The following FHIT variants were observed in gnomAD, a reference collection of about 807,000 sequenced individuals.
FHIT encodes the protein fragile histidine triad diadenosine triphosphatase, also known as bis(5'-adenosyl)-triphosphatase.
Under a neutral mutation model 17.9 loss-of-function variants are expected in FHIT, and 19 were observed. The ratio of observed to expected loss-of-function variants is 1.06; its 90% CI spans 0.74 to 1.56. The LOEUF (loss-of-function observed/expected upper bound fraction) is 1.56. Ranked by LOEUF, FHIT falls within the 40% of genes most tolerant of loss-of-function variation. The pLI, the probability that FHIT is intolerant of heterozygous loss-of-function variation, is 0.00. For missense variants in FHIT, 248 were observed against 189.2 expected (o/e 1.31, Z -1.82); for synonymous variants, 81 against 69.7 (o/e 1.16, Z -0.81).
At chr3:60,025,818 T>A (rs1461483375) in intron 5 of FHIT, among the ~76,000 whole-genome samples, 5 of 151,392 alleles carry the variant, frequency 3.3e-5, no homozygotes, top group African/African-American at 1.2e-4. Flanking sequence ...AAAGACATTT[T>A]AATGTCACTG....
chr3:60,360,558 G>A (rs1326923475), intron 5 of FHIT, among the ~76,000 whole-genome samples: 1 of 152,102 alleles, frequency 6.6e-6, no homozygotes, highest in African/African-American at 2.4e-5. Flanking sequence ...ACTTCACTGA[G>A]ATTCACTCTG....
chr3:61,022,855 A>G (rs933920109), intron 3 of FHIT, among the ~76,000 whole-genome samples: 1 of 152,216 alleles, frequency 6.6e-6, no homozygotes, highest in Non-Finnish European at 1.5e-5. Flanking sequence ...CAAAATAATA[A>G]GAGCTATTTA....
intron 5 of FHIT, among the ~76,000 whole-genome samples, chr3:60,488,939 T>C (rs1458773497): frequency 6.6e-6 from 1 of 152,184 alleles, no homozygotes; most frequent in Non-Finnish European, 1.5e-5. Context: ...TATTCCACCT[T>C]TTGGAATCCC....
At chr3:60,507,145 A>C (rs1053488469) in intron 5 of FHIT, among the ~76,000 whole-genome samples, 1 of 152,204 alleles carries the variant, frequency 6.6e-6, no homozygotes, top group African/African-American at 2.4e-5. Context: ...AGTGGCCAAG[A>C]CTGAGGTTTC....
chr3:60,375,727 C>G (rs1462099317), intron 5 of FHIT, among the ~76,000 whole-genome samples: 1 of 152,108 alleles, frequency 6.6e-6, no homozygotes, highest in Non-Finnish European at 1.5e-5. Flanking sequence ...CTATTCTCCC[C>G]TCAATCACAA....
At chr3:60,718,896 T>C (rs1240582693) in intron 4 of FHIT, among the ~76,000 whole-genome samples, 1 of 152,232 alleles carries the variant, frequency 6.6e-6, no homozygotes, top group Non-Finnish European at 1.5e-5. Flanking sequence ...TTTCAAACTT[T>C]TGATACTTTG....
intron 8 of FHIT, among the ~76,000 whole-genome samples, chr3:59,859,768 G>C (rs1702329740): frequency 6.6e-6 from 1 of 152,172 alleles, no homozygotes; most frequent in Middle Eastern, 3.4e-3. Context: ...GGAGGAAACT[G>C]ATGAAAAATA....
chr3:60,946,616 G>A (rs185489489), intron 3 of FHIT, among the ~76,000 whole-genome samples: 6 of 152,244 alleles, frequency 3.9e-5, no homozygotes, highest in East Asian at 1.9e-4. Context: ...TGGGGGGAAC[G>A]TCTTCAATAA....
At chr3:61,202,424 C>A (rs553181069) in intron 1 of FHIT, among the ~76,000 whole-genome samples, 5 of 152,100 alleles carry the variant, frequency 3.3e-5, no homozygotes, top group Non-Finnish European at 5.9e-5. Context: ...GTGCAACCTT[C>A]CAAGTGTGAA....
intron 5 of FHIT, among the ~76,000 whole-genome samples, chr3:60,185,962 T>C (rs929655387): frequency 1.6e-4 from 24 of 152,332 alleles, no homozygotes; most frequent in Middle Eastern, 6.8e-3. Flanking sequence ...GTGAGCTATG[T>C]ATTCAGATCT....
chr3:60,109,108 A>T (rs947652022), intron 5 of FHIT, among the ~76,000 whole-genome samples: 1 of 151,826 alleles, frequency 6.6e-6, no homozygotes, highest in Non-Finnish European at 1.5e-5. Context: ...TCTGCTCTAG[A>T]TGCTGTAAAA....
At chr3:61,103,434 C>T (rs1286630605) in intron 2 of FHIT, among the ~76,000 whole-genome samples, 2 of 151,838 alleles carry the variant, frequency 1.3e-5, no homozygotes, top group East Asian at 3.9e-4. Flanking sequence ...TGCTGTGATT[C>T]CTTTTCTTTT....
chr3:59,863,686 G>A (rs1470622635), intron 8 of FHIT, among the ~76,000 whole-genome samples: 1 of 152,170 alleles, frequency 6.6e-6, no homozygotes, highest in Admixed American at 6.5e-5. Context: ...TCATCCAGCA[G>A]GCAAAATGGA....
At chr3:60,545,784 A>C (rs1037893822) in intron 4 of FHIT, among the ~76,000 whole-genome samples, 62 of 152,210 alleles carry the variant, frequency 4.1e-4, no homozygotes, top group African/African-American at 1.5e-3. Context: ...TCTAATCCAC[A>C]TGCCCTCTGA....
chr3:61,103,901 T>C lies in FHIT; in HGVS notation c.-163-61802A>G, dbSNP rs572143644. On this transcript the variant is annotated intron_variant, in intron 2 of 9. Transcript: ENST00000492590. ...CCCCTGCTTTTTTTTCTTTTTTTTTTTTCTTTCCATTTGTTTGGTAGATCT... is the reference window on the plus strand; with the variant it reads ...CCCCTGCTTTTTTTTCTTTTTTTTTCTTCTTTCCATTTGTTTGGTAGATCT... Among the ~76,000 whole-genome samples the C allele has an allele frequency of 2.0e-5, 3 of 152,138 alleles. 1 individual carries two copies. Among genetic ancestry groups the C allele is most frequent in the Admixed American group, 6.5e-5 (1 of 15,282 alleles).
chr3:59,930,668 A>C (rs1705926912), intron 7 of FHIT, among the ~76,000 whole-genome samples: 1 of 152,200 alleles, frequency 6.6e-6, no homozygotes, highest in Admixed American at 6.5e-5. Flanking sequence ...AAAAGAATTT[A>C]TTACTAAAAC....
At chr3:60,183,091 T>C (rs891216437) in intron 5 of FHIT, among the ~76,000 whole-genome samples, 1 of 151,960 alleles carries the variant, frequency 6.6e-6, no homozygotes, top group Non-Finnish European at 1.5e-5. Context: ...AGGTAAAATA[T>C]CTTGAAAAAG....
At chr3:60,963,358 T>C (rs1709556721) in intron 3 of FHIT, among the ~76,000 whole-genome samples, 1 of 152,244 alleles carries the variant, frequency 6.6e-6, no homozygotes, top group African/African-American at 2.4e-5. Flanking sequence ...CTATCAATTT[T>C]GTTGATCTTT....
intron 4 of FHIT, among the ~76,000 whole-genome samples, chr3:60,602,593 G>A (rs2038481219): frequency 6.6e-6 from 1 of 152,032 alleles, no homozygotes; most frequent in African/African-American, 2.4e-5. Context: ...TAGAAACCAT[G>A]GTAAAAAGAC....
Sources: gnomAD v4.1 joint callset for allele counts (sites outside exome capture counted in the v4.1 genomes callset) on GRCh38, gnomAD v4.1.1 for gene constraint, MANE v1.5 for transcripts, NCBI Gene and HGNC (gene_info 2026-07-23, HGNC 2026-07-21) for gene names.